Variants in CEP70 observed in about 807,000 individuals in gnomAD.
The protein encoded by CEP70 is centrosomal protein of 70 kDa.
In CEP70, 70 loss-of-function variants were observed where a neutral mutation model predicts 90.9. That is an observed-to-expected ratio of 0.77 (90% CI 0.64 to 0.94). CEP70 has a LOEUF of 0.94. Ranked by LOEUF, CEP70 falls within the 40% of genes least tolerant of loss-of-function variation. CEP70 has a pLI of 0.00. For synonymous variants in CEP70, 220 were observed against 228.3 expected (o/e 0.96, Z 0.33); for missense variants, 648 against 669.0 (o/e 0.97, Z 0.35).
At chr3:138,549,805 T>C (rs1402365311) in intron 6 of CEP70, among the ~76,000 whole-genome samples, 2 of 151,756 alleles carry the variant, frequency 1.3e-5, no homozygotes, top group African/African-American at 4.8e-5. Context: ...CCTCACAGAG[T>C]CCATTTCACT....
chr3:138,541,788 G>C (rs1426753767), intron 6 of CEP70, among the ~76,000 whole-genome samples: 2 of 152,226 alleles, frequency 1.3e-5, no homozygotes, highest in Non-Finnish European at 2.9e-5. Flanking sequence ...TTGGGAGGCA[G>C]AGGCAGGCAG....
chr3:138,500,015 T>G, intron 16 of CEP70, 95 bp downstream of exon 16: 3 of 825,338 alleles, frequency 3.6e-6, no homozygotes, highest in South Asian at 1.5e-5. Flanking sequence ...CAAGTGATCC[T>G]CCCACATCAG....
intron 11 of CEP70, among the ~76,000 whole-genome samples, chr3:138,508,770 A>G (rs1251672185): frequency 3.3e-5 from 5 of 151,200 alleles, no homozygotes; most frequent in East Asian, 1.9e-4. Context: ...ATCTCGCTCT[A>G]TCACCCAGGC....
rs2037918255 is a variant in CEP70, at chr3:138,532,551, A to G, written c.655T>C (p.Tyr219His). The change falls in exon 8 of 18, where the codon TAC becomes CAC. Residue 219 changes from tyrosine to histidine, a missense_variant. By Grantham distance (83) the Tyr-to-His change is moderately conservative. Coordinates refer to ENST00000264982, the MANE Select transcript of CEP70 (RefSeq NM_024491.4). ...ATTTTTCTAATTTTAGATTCATAGTAATCAATTAGACAAAGCAACCTAGAA... is the reference window on the plus strand; with the variant it reads ...ATTTTTCTAATTTTAGATTCATAGTGATCAATTAGACAAAGCAACCTAGAA... ...LDRQLLCLID[Y>H]YESKIRKIHT... The G allele has an allele frequency of 6.6e-7, 1 of 1,508,614 alleles. No homozygotes were observed. Among genetic ancestry groups the G allele is most frequent in the African/African-American group, 1.4e-5 (1 of 69,492 alleles). The allele number at this position is 1,508,614 out of a possible 1,614,324, so 93.5% of individuals were successfully genotyped here.
At position 138,545,787 on chromosome 3, in the gene CEP70, G is replaced by T. The variant is rs554180525; in HGVS notation, c.466-8440C>A. ...GTCTGTCTTATGCGGTTGAGATAAGGACTGAAATACACCCTGGTCTCCTGC... is the reference window on the plus strand; with the variant it reads ...GTCTGTCTTATGCGGTTGAGATAAGTACTGAAATACACCCTGGTCTCCTGC... On this transcript the variant is annotated intron_variant, in intron 6 of 17. Coordinates refer to ENST00000264982, the MANE Select transcript of CEP70 (RefSeq NM_024491.4). 5.2e-4 allele frequency among the ~76,000 whole-genome samples: 79 copies of T among 152,188 alleles called. 1 individual carries two copies. In the South Asian group the frequency reaches 9.6e-3, roughly 18 times the overall value.
intron 6 of CEP70, among the ~76,000 whole-genome samples, chr3:138,546,189 CTT>C (rs1458094709): frequency 5.3e-5 from 8 of 152,096 alleles, no homozygotes; most frequent in Non-Finnish European, 1.2e-4. Context: ...TCTTTGTACT[CTT>C]TCTCTTTTTT....
chr3:138,523,315 A>G (rs1272254445), intron 11 of CEP70, among the ~76,000 whole-genome samples: 2 of 152,224 alleles, frequency 1.3e-5, no homozygotes, highest in African/African-American at 2.4e-5. Context: ...AACCTGGCAC[A>G]AGACAGGGAT....
chr3:138,574,817 G>C (rs1041892474), intron 2 of CEP70, among the ~76,000 whole-genome samples: 1 of 152,188 alleles, frequency 6.6e-6, no homozygotes, highest in Non-Finnish European at 1.5e-5. Flanking sequence ...AGGGTCTGGA[G>C]TGGACCTCCA....
intron 11 of CEP70, among the ~76,000 whole-genome samples, chr3:138,521,738 G>A (rs2036670555): frequency 6.6e-6 from 1 of 152,146 alleles, no homozygotes; most frequent in East Asian, 1.9e-4. Flanking sequence ...GCCATGTCTG[G>A]GAAGTGAGGA....
At chr3:138,532,023 T>C (rs2037874370) in intron 8 of CEP70, among the ~76,000 whole-genome samples, 1 of 152,182 alleles carries the variant, frequency 6.6e-6, no homozygotes, top group African/African-American at 2.4e-5. Context: ...CCTTCAGCTA[T>C]TTTAGTTTAG....
At chr3:138,518,072 G>A (rs2036224720) in intron 11 of CEP70, among the ~76,000 whole-genome samples, 1 of 152,212 alleles carries the variant, frequency 6.6e-6, no homozygotes, top group African/African-American at 2.4e-5. Context: ...CGCCCATGGA[G>A]CCTTGCTCTT....
chr3:138,550,390 T>C (rs569267430), intron 6 of CEP70, among the ~76,000 whole-genome samples: 1 of 152,144 alleles, frequency 6.6e-6, no homozygotes, highest in Non-Finnish European at 1.5e-5. Context: ...TGAGACGGAG[T>C]TTCGCTCTTG....
Position 138,498,079 on chromosome 3 carries a change from AT to A in CEP70, c.1683del (p.Glu561AspfsTer17). 4 of 1,613,432 alleles carry A rather than the reference AT, an allele frequency of 2.5e-6. No homozygotes were observed. Among genetic ancestry groups the A allele is most frequent in the Non-Finnish European group, 3.4e-6 (4 of 1,179,734 alleles). ...GTAAATGCCTGAAATGCTGGGAAAA[AT>A]TCCTCGTGTTCTTCCAATTTGTAGA... ...SIIYKLEEHE[E>X]FFPAFQAFTN... is the part of the protein sequence containing the mutation. On this transcript the variant is annotated frameshift_variant, in exon 17 of 18. Transcript: ENST00000264982. LOFTEE classifies it high-confidence loss of function.
intron 2 of CEP70, among the ~76,000 whole-genome samples, chr3:138,584,461 C>CAAAAAAAAAAAAAAAAAAAAAA (rs35985463): frequency 1.1e-5 from 1 of 92,150 alleles, no homozygotes; most frequent in Non-Finnish European, 2.1e-5. Context: ...AAAGACATAT[C>CAAAAAAAAAAAAAAAAAAAAAA]AAAAAAAAAA....
chr3:138,498,842 T>C (rs1576502443), intron 16 of CEP70, among the ~76,000 whole-genome samples: 1 of 149,560 alleles, frequency 6.7e-6, no homozygotes, highest in South Asian at 2.1e-4. Flanking sequence ...AGGTCAGGAG[T>C]TCGAGACTAG....
intron 6 of CEP70, among the ~76,000 whole-genome samples, chr3:138,554,494 A>G (rs1211403097): frequency 6.6e-6 from 1 of 152,176 alleles, no homozygotes; most frequent in Non-Finnish European, 1.5e-5. Context: ...AAAGAAATAA[A>G]GGGCACCCAA....
At chr3:138,589,917 G>A (rs1269518420) in intron 2 of CEP70, among the ~76,000 whole-genome samples, 1 of 152,104 alleles carries the variant, frequency 6.6e-6, no homozygotes, top group Non-Finnish European at 1.5e-5. Flanking sequence ...ACTTCCCGAG[G>A]AATCTAACAA....
At chr3:138,540,461 G>A (rs1354771753) in intron 6 of CEP70, among the ~76,000 whole-genome samples, 5 of 146,288 alleles carry the variant, frequency 3.4e-5, no homozygotes, top group Non-Finnish European at 4.5e-5. Flanking sequence ...TCCAGCCTGG[G>A]CAACAGAGCA....
intron 10 of CEP70, among the ~76,000 whole-genome samples, chr3:138,526,607 A>C (rs2037278132): frequency 6.6e-6 from 1 of 152,332 alleles, no homozygotes; most frequent in African/African-American, 2.4e-5. Flanking sequence ...ATTACTGTCA[A>C]CATAGAGAGT....
Sources: allele counts gnomAD v4.1 joint callset (sites outside exome capture counted in the v4.1 genomes callset), GRCh38; gene constraint gnomAD v4.1.1; transcripts MANE v1.5; gene names NCBI Gene and HGNC (gene_info 2026-07-23, HGNC 2026-07-21).